Variants in ZC3H18 observed in about 807,000 individuals in gnomAD.
ZC3H18 encodes zinc finger CCCH domain-containing protein 18.
ZC3H18 carries 8 observed loss-of-function variants against 106.1 expected under a neutral mutation model. The observed-to-expected ratio is 0.08, with a 90% CI of 0.04 to 0.14. The LOEUF is 0.14. ZC3H18 is among the 10% of genes least tolerant of loss of function. ZC3H18 has a pLI of 1.00. For synonymous variants in ZC3H18, 635 were observed against 522.1 expected (o/e 1.22, Z -2.95); for missense variants, 1,318 against 1,278.4 (o/e 1.03, Z -0.47).
intron 4 of ZC3H18, 24 bp downstream of exon 4, chr16:88,598,350 T>C (rs3887592): frequency 0.43 from 684,896 of 1,583,032 alleles, 151,497 homozygotes; most frequent in East Asian, 0.59. Flanking sequence ...CTTCTTTCAT[T>C]GTTAGCACAT....
chr16:88,613,535 G>A (rs1318838642), intron 8 of ZC3H18, among the ~76,000 whole-genome samples: 2 of 152,144 alleles, frequency 1.3e-5, no homozygotes, highest in Non-Finnish European at 2.9e-5. Flanking sequence ...GATGACAGCC[G>A]TCTTGGTGGG....
intron 4 of ZC3H18, 60 bp downstream of exon 4, chr16:88,598,386 T>G: frequency 6.4e-7 from 1 of 1,552,896 alleles, no homozygotes; most frequent in Middle Eastern, 1.7e-4. Flanking sequence ...TGTCTGAATC[T>G]CAAGCTTAAG....
rs11366365 is a variant in ZC3H18, at chr16:88,575,167, C to CA, written c.-14-1931dup. 6.0e-4 allele frequency among the ~76,000 whole-genome samples: 88 copies of CA among 147,046 alleles called. 1 individual carries two copies. The highest frequency in any genetic ancestry group is 4.9e-3 in the South Asian group (23 of 4,676). On this transcript the variant is annotated intron_variant, in intron 1 of 17. Transcript: ENST00000301011. ...TAATCTTAATGATTTCCATTAACAGCAAAAAAAAAAAATGTTTAACTGTAG... is the reference window on the plus strand; with the variant it reads ...TAATCTTAATGATTTCCATTAACAGCAAAAAAAAAAAAATGTTTAACTGTAG...
At position 88,625,187 on chromosome 16, in the gene ZC3H18, T is replaced by G; in HGVS notation, c.2043-15T>G. The G allele has an allele frequency of 6.4e-7, 1 of 1,574,606 alleles. No homozygotes were observed. Among genetic ancestry groups the G allele is most frequent in the Non-Finnish European group, 8.6e-7 (1 of 1,160,224 alleles). ...AGGCCACGCCCCCTGAGCCCCGCTG[T>G]TGCTTGTATTACAGGCGGACGCTAA... On this transcript the variant is annotated splice_polypyrimidine_tract_variant and intron_variant, in intron 12 of 17. Coordinates refer to ENST00000301011, the MANE Select transcript of ZC3H18 (RefSeq NM_144604.4).
chr16:88,624,847 G>C, intron 12 of ZC3H18, 102 bp downstream of exon 12: 3 of 1,448,852 alleles, frequency 2.1e-6, no homozygotes, highest in Non-Finnish European at 2.7e-6. Context: ...CCAGAGCCAG[G>C]TGGTGGGAAG....
intron 13 of ZC3H18, chr16:88,625,581 AG>A (rs1906253467): frequency 2.7e-6 from 1 of 370,568 alleles, no homozygotes; most frequent in Non-Finnish European, 5.0e-6. Flanking sequence ...GCACCTGGGG[AG>A]GAGCCGGCAG....
At chr16:88,571,818 A>G in intron 1 of ZC3H18, 1 of 274,994 alleles carries the variant, frequency 3.6e-6, no homozygotes, top group East Asian at 1.8e-4. Flanking sequence ...ACCAACCTTG[A>G]TAACGTTCAT....
At chr16:88,579,113 A>C (rs1914951225) in intron 2 of ZC3H18, among the ~76,000 whole-genome samples, 1 of 152,174 alleles carries the variant, frequency 6.6e-6, no homozygotes, top group African/African-American at 2.4e-5. Context: ...AGTATTGCTC[A>C]TGTGACTTTA....
At chr16:88,572,017 A>G (rs1165082014) in intron 1 of ZC3H18, among the ~76,000 whole-genome samples, 1 of 152,220 alleles carries the variant, frequency 6.6e-6, no homozygotes, top group East Asian at 1.9e-4. Context: ...TCATATGGGA[A>G]AATCAGTCTT....
At position 88,577,684 on chromosome 16, in the gene ZC3H18, G is replaced by A. The variant is rs1914850922; in HGVS notation, c.561G>A (p.Lys187=). ...CCCTGGAGGCTGCCAAGGAGAAAAA[G>A]AAAGAGGACGATGATGGAGAAATCG... ...KESLEAAKEK[K]KEDDDGEIDD... The change falls in exon 2 of 18, where the codon AAG becomes AAA. Residue 187 remains lysine (K), a synonymous_variant. Coordinates refer to ENST00000301011, the MANE Select transcript of ZC3H18 (RefSeq NM_144604.4). 6.2e-7 allele frequency: 1 copy of A among 1,613,870 alleles called. No individual in the cohort carries two copies.
chr16:88,611,576 T>C (rs1250175986), intron 8 of ZC3H18, 40 bp downstream of exon 8: 14 of 1,540,678 alleles, frequency 9.1e-6, no homozygotes, highest in Non-Finnish European at 1.2e-5. Context: ...GTGGGGGAGG[T>C]CCGGCATGCA....
rs745835628 is a variant in ZC3H18 at position 88,586,583 on chromosome 16, G to A, written c.604-17G>A. ...ATAGATGCCTCCCCCACGCTAAGAC[G>A]GTGTTCTCTGTTTCAGGATGATGAC... On this transcript the variant is annotated splice_polypyrimidine_tract_variant and intron_variant, in intron 2 of 17. Coordinates refer to ENST00000301011, the MANE Select transcript of ZC3H18 (RefSeq NM_144604.4). 22 of 1,611,242 alleles carry A rather than the reference G, an allele frequency of 1.4e-5. No homozygotes were observed. Among genetic ancestry groups the A allele is most frequent in the Non-Finnish European group, 1.9e-5 (22 of 1,177,444 alleles).
At chr16:88,575,012 G>C (rs1914656972) in intron 1 of ZC3H18, among the ~76,000 whole-genome samples, 1 of 150,834 alleles carries the variant, frequency 6.6e-6, no homozygotes, top group Non-Finnish European at 1.5e-5. Context: ...TGTATATTTA[G>C]TAGAGACGGG....
intron 8 of ZC3H18, 88 bp downstream of exon 8, chr16:88,611,624 T>G: frequency 1.4e-6 from 2 of 1,480,198 alleles, no homozygotes; most frequent in Non-Finnish European, 1.8e-6. Flanking sequence ...GCTTCCCCTC[T>G]GTGGCCCACA....
At chr16:88,617,539 T>C (rs181538700) in intron 8 of ZC3H18, among the ~76,000 whole-genome samples, 287 of 152,356 alleles carry the variant, frequency 1.9e-3, no homozygotes, top group Admixed American at 3.9e-3. Flanking sequence ...GTCATTGTCA[T>C]TAGAAATGTA....
At chr16:88,585,961 C>G (rs756446797) in intron 2 of ZC3H18, among the ~76,000 whole-genome samples, 1 of 152,068 alleles carries the variant, frequency 6.6e-6, no homozygotes. Flanking sequence ...GGAGGGGTCT[C>G]AGCTGCACGT....
At chr16:88,573,645 C>G (rs1420497573) in intron 1 of ZC3H18, among the ~76,000 whole-genome samples, 1 of 151,866 alleles carries the variant, frequency 6.6e-6, no homozygotes, top group Non-Finnish European at 1.5e-5. Flanking sequence ...CTCTTGGGCT[C>G]GAGTGATTCT....
chr16:88,583,422 A>G (rs1024606356), intron 2 of ZC3H18, among the ~76,000 whole-genome samples: 3 of 152,210 alleles, frequency 2.0e-5, no homozygotes, highest in Non-Finnish European at 4.4e-5. Context: ...TTCAGCCCAC[A>G]TCACCCTGCT....
At chr16:88,599,549 A>C (rs917310881) in intron 5 of ZC3H18, among the ~76,000 whole-genome samples, 7 of 152,194 alleles carry the variant, frequency 4.6e-5, no homozygotes, top group Admixed American at 3.3e-4. Flanking sequence ...GAAGGAAGTG[A>C]TGAACACCTC....
Sources: allele counts gnomAD v4.1 joint callset (sites outside exome capture counted in the v4.1 genomes callset), GRCh38; gene constraint gnomAD v4.1.1; transcripts MANE v1.5; gene names NCBI Gene and HGNC (gene_info 2026-07-23, HGNC 2026-07-21).